The following TRABD2B variants were observed in gnomAD, a reference collection of about 807,000 sequenced individuals.
The protein encoded by TRABD2B is metalloprotease TIKI2.
TRABD2B carries 14 observed loss-of-function variants against 40.1 expected under a neutral mutation model. The ratio of observed to expected loss-of-function variants is 0.35; its 90% CI spans 0.23 to 0.55. The LOEUF is 0.55. TRABD2B is among the 20% of genes least tolerant of loss of function. TRABD2B has a pLI of 0.90. For synonymous variants in TRABD2B, 263 were observed against 277.0 expected (o/e 0.95, Z 0.50); for missense variants, 541 against 648.6 (o/e 0.83, Z 1.80).
intron 2 of TRABD2B, among the ~76,000 whole-genome samples, chr1:47,803,229 G>T (rs1177391410): frequency 6.6e-6 from 1 of 152,242 alleles, no homozygotes; most frequent in Non-Finnish European, 1.5e-5. Flanking sequence ...TAGATTAATG[G>T]CCCTAAACCT....
intron 2 of TRABD2B, among the ~76,000 whole-genome samples, chr1:47,956,591 T>C (rs4927266): frequency 0.96 from 146,681 of 152,332 alleles, 70,883 homozygotes; most frequent in Non-Finnish European, 1. Context: ...CCCATGCCCA[T>C]AGGGCCTTGC....
chr1:47,888,273 G>A (rs571855575), intron 2 of TRABD2B, among the ~76,000 whole-genome samples: 7 of 152,336 alleles, frequency 4.6e-5, no homozygotes, highest in Middle Eastern at 3.4e-3. Flanking sequence ...ACCCTGGAGA[G>A]GATCATCTGG....
At chr1:47,893,165 A>C (rs940465159) in intron 2 of TRABD2B, among the ~76,000 whole-genome samples, 3 of 152,234 alleles carry the variant, frequency 2.0e-5, no homozygotes, top group African/African-American at 7.2e-5. Context: ...GAAGTGGATA[A>C]AGTTAGTGAC....
At chr1:47,907,650 T>C (rs975383030) in intron 2 of TRABD2B, among the ~76,000 whole-genome samples, 1 of 152,172 alleles carries the variant, frequency 6.6e-6, no homozygotes, top group Non-Finnish European at 1.5e-5. Flanking sequence ...GGTGCACTCA[T>C]GTTTGTTCTC....
At position 47,863,394 on chromosome 1, in the gene TRABD2B, A is replaced by ATATATATATATATATATATATATAT. The variant is rs1396681662; in HGVS notation, c.667-61776_667-61775insATATATATATATATATATATATATA. On this transcript the variant is annotated intron_variant, in intron 2 of 6. Coordinates refer to ENST00000606738, the MANE Select transcript of TRABD2B (RefSeq NM_001194986.2). ...ATTTTATATATATATATATATATAT[A>ATATATATATATATATATATATATAT]ATCTCTTAAAACTCAACAATAAGAA... is the stretch of plus-strand genomic sequence containing the variant. 6.2e-3 allele frequency among the ~76,000 whole-genome samples: 812 copies of ATATATATATATATATATATATATAT among 130,314 alleles called. 1 individual carries two copies. Among genetic ancestry groups the ATATATATATATATATATATATATAT allele is most frequent in the Non-Finnish European group, 8.5e-3 (513 of 60,646 alleles). The allele number at this position is 130,314 out of a possible 152,430, so 85.5% of individuals were successfully genotyped here.
intron 2 of TRABD2B, among the ~76,000 whole-genome samples, chr1:47,846,465 G>A (rs1645471273): frequency 6.6e-6 from 1 of 152,178 alleles, no homozygotes; most frequent in South Asian, 2.1e-4. Flanking sequence ...CTAATTCTCT[G>A]TATGACCATA....
intron 2 of TRABD2B, among the ~76,000 whole-genome samples, chr1:47,833,015 C>T (rs1202745226): frequency 1.3e-5 from 2 of 152,156 alleles, no homozygotes; most frequent in African/African-American, 2.4e-5. Flanking sequence ...GAAATTCAGA[C>T]CATATAAATT....
chr1:47,887,294 T>C lies in TRABD2B; in HGVS notation c.667-85675A>G, dbSNP rs549443900. On this transcript the variant is annotated intron_variant, in intron 2 of 6. Transcript: ENST00000606738. ...TTGCCCAAGGTCACACAGCTATAAG[T>C]GGAGAACTGGAATTCCATATACAGG... 9.9e-5 allele frequency among the ~76,000 whole-genome samples: 15 copies of C among 152,180 alleles called. 1 individual carries two copies. The South Asian group carries it at 3.1e-3, about 32-fold the overall frequency.
intron 2 of TRABD2B, among the ~76,000 whole-genome samples, chr1:47,802,217 C>T (rs964311649): frequency 4.6e-5 from 7 of 151,764 alleles, no homozygotes; most frequent in East Asian, 1.9e-4. Flanking sequence ...GATCTGTGGG[C>T]ATCAGGATCA....
Position 47,761,798 on chromosome 1 carries a change from G to A in TRABD2B, c.*4104C>T, listed in dbSNP as rs1366651112. ...ATCCCCAGACAGCTTTGGCTTGGTG[G>A]AAATTATGCCACTGGTGGAACTAAG... On this transcript the variant is annotated 3_prime_UTR_variant, in exon 7 of 7. Transcript: ENST00000606738. The A allele has an allele frequency of 6.6e-6, 1 of 152,242 alleles. No individual in the cohort carries two copies. Among genetic ancestry groups the A allele is most frequent in the Non-Finnish European group, 1.5e-5 (1 of 68,070 alleles). The allele number at this position is 152,242 out of a possible 1,614,324, so 9.4% of individuals were successfully genotyped here. A position where few individuals can be genotyped will look rare whatever the true frequency, so the allele number is the denominator to read the frequency against.
chr1:47,985,395 GGA>G (rs1645906082), intron 2 of TRABD2B, among the ~76,000 whole-genome samples: 1 of 152,260 alleles, frequency 6.6e-6, no homozygotes, highest in Admixed American at 6.5e-5. Flanking sequence ...GGAAGTAAAG[GGA>G]GAATCCCAAG....
intron 2 of TRABD2B, among the ~76,000 whole-genome samples, chr1:47,947,742 G>A (rs55826026): frequency 6.6e-6 from 1 of 152,210 alleles, no homozygotes; most frequent in Non-Finnish European, 1.5e-5. Context: ...GAGCAGAGCT[G>A]ACATGCACTA....
chr1:47,823,424 A>C (rs1445184327), intron 2 of TRABD2B, among the ~76,000 whole-genome samples: 1 of 152,242 alleles, frequency 6.6e-6, no homozygotes, highest in African/African-American at 2.4e-5. Flanking sequence ...CATTCTACAG[A>C]GGCAAGCCCC....
intron 2 of TRABD2B, among the ~76,000 whole-genome samples, chr1:47,967,546 T>C (rs970884516): frequency 8.5e-5 from 13 of 152,224 alleles, no homozygotes; most frequent in African/African-American, 2.9e-4. Flanking sequence ...CGTTTACGTC[T>C]GGTTCTCTGG....
At chr1:47,884,347 G>T (rs1311199923) in intron 2 of TRABD2B, among the ~76,000 whole-genome samples, 3 of 152,166 alleles carry the variant, frequency 2.0e-5, no homozygotes, top group Non-Finnish European at 4.4e-5. Flanking sequence ...CTGGTCTGAG[G>T]CCCCCAGCAG....
At position 47,765,198 on chromosome 1, in the gene TRABD2B, T is replaced by C. The variant is rs1431723954; in HGVS notation, c.*704A>G. On this transcript the variant is annotated 3_prime_UTR_variant, in exon 7 of 7. Transcript: ENST00000606738. ...ACCTGGTTCTCTCTGGATCTCAGTT[T>C]ATTCATTTGTTCTGTGGGGTGGGGA... 1 of 152,286 alleles carries C rather than the reference T, an allele frequency of 6.6e-6. No homozygotes were observed. Among genetic ancestry groups the C allele is most frequent in the Non-Finnish European group, 1.5e-5 (1 of 68,148 alleles). The allele number at this position is 152,286 out of a possible 1,614,324, so 9.4% of individuals were successfully genotyped here.
At position 47,925,532 on chromosome 1, in the gene TRABD2B, T is replaced by C. The variant is rs537771451; in HGVS notation, c.666+68502A>G. 3.3e-5 allele frequency among the ~76,000 whole-genome samples: 5 copies of C among 152,366 alleles called. No homozygotes were observed. In the South Asian group the frequency reaches 1.0e-3, roughly 32 times the overall value. ...ATCACTTAGCAAGTTCTGTTTTATA[T>C]ACTTTCTTTCATTTAATCCTCACTA... On this transcript the variant is annotated intron_variant, in intron 2 of 6. Coordinates refer to ENST00000606738, the MANE Select transcript of TRABD2B (RefSeq NM_001194986.2).
intron 2 of TRABD2B, among the ~76,000 whole-genome samples, chr1:47,870,426 C>A (rs1241816825): frequency 1.3e-5 from 2 of 152,174 alleles, no homozygotes; most frequent in Non-Finnish European, 2.9e-5. Context: ...ACAGCCTTAC[C>A]TCATCTTCCT....
chr1:47,980,515 G>C (rs1264338122), intron 2 of TRABD2B, among the ~76,000 whole-genome samples: 1 of 152,192 alleles, frequency 6.6e-6, no homozygotes, highest in African/African-American at 2.4e-5. Flanking sequence ...CACTAACACA[G>C]TAGATTGAAT....
Sources: allele counts gnomAD v4.1 joint callset (sites outside exome capture counted in the v4.1 genomes callset), GRCh38; gene constraint gnomAD v4.1.1; transcripts MANE v1.5; gene names NCBI Gene and HGNC (gene_info 2026-07-23, HGNC 2026-07-21).